Variants in DTNA observed in about 807,000 individuals in gnomAD.
The protein encoded by DTNA is dystrobrevin alpha, also known as dystrophin-related protein 3.
A neutral mutation model predicts 100.7 loss-of-function variants in DTNA; 43 were observed. That is an observed-to-expected ratio of 0.43 (90% CI 0.33 to 0.55). DTNA has a LOEUF of 0.55. Among genes scored for constraint, DTNA ranks in the 20% least tolerant of loss-of-function variants. The probability of loss-of-function intolerance (pLI) is 0.04; values close to 1 mark genes in which losing one functional copy is unlikely to be tolerated. For synonymous variants in DTNA, 349 were observed against 347.9 expected, an observed-to-expected ratio of 1.00 and a Z score of -0.04; for missense variants, 798 against 953.9, an observed-to-expected ratio of 0.84 and a Z score of 2.15.
At chr18:34,829,797 C>T (rs1030739290) in intron 11 of DTNA, among the ~76,000 whole-genome samples, 7 of 152,132 alleles carry the variant, frequency 4.6e-5, no homozygotes, top group African/African-American at 1.4e-4. Flanking sequence ...TTGCAAAAAA[C>T]CCAGATGGTA....
At chr18:34,860,266 A>G (rs1294531218) in intron 16 of DTNA, among the ~76,000 whole-genome samples, 1 of 101,054 alleles carries the variant, frequency 9.9e-6, no homozygotes, top group Non-Finnish European at 1.8e-5. Context: ...ACGGGGTTTC[A>G]CCATCTTGGC....
intron 1 of DTNA, among the ~76,000 whole-genome samples, chr18:34,702,927 T>C (rs2081580184): frequency 6.6e-6 from 1 of 152,230 alleles, no homozygotes. Flanking sequence ...AAATGGTAAC[T>C]ATAAAGATGT....
At chr18:34,714,121 TA>T (rs1489504107) in intron 1 of DTNA, among the ~76,000 whole-genome samples, 1 of 152,036 alleles carries the variant, frequency 6.6e-6, no homozygotes, top group Non-Finnish European at 1.5e-5. Context: ...CCTAACACCA[TA>T]AAAACCCTAG....
intron 3 of DTNA, 131 bp from the exon 4 acceptor site, chr18:34,793,906 T>A (rs1303539524): frequency 1.1e-6 from 1 of 884,514 alleles, no homozygotes; most frequent in African/African-American, 1.7e-5. Flanking sequence ...GTTCATTTAC[T>A]TATGTTGACC....
In DTNA at chr18:34,866,129, G is replaced by A. The variant is rs748660760; in HGVS notation, c.1743+2067G>A. On this transcript the variant is annotated intron_variant, in intron 17 of 22. Coordinates refer to ENST00000444659, the MANE Select transcript of DTNA (RefSeq NM_001386795.1). ...TCTGTAGGAAGAAGAACTGAAGCAG[G>A]GAGTAAGTTATGTCCCCTACTGCAG... 3 of 1,614,144 alleles carry A rather than the reference G, an allele frequency of 1.9e-6. No individual in the cohort carries two copies. The Admixed American group carries it at 5.0e-5, about 27-fold the overall frequency.
At chr18:34,515,545 A>G (rs935533387) in intron 1 of DTNA, among the ~76,000 whole-genome samples, 7 of 152,106 alleles carry the variant, frequency 4.6e-5, no homozygotes, top group African/African-American at 1.7e-4. Context: ...ATTCGATTGT[A>G]TTGTGGGGCA....
chr18:34,819,546 C>T (rs1269548179), intron 8 of DTNA, among the ~76,000 whole-genome samples: 1 of 152,168 alleles, frequency 6.6e-6, no homozygotes, highest in Non-Finnish European at 1.5e-5. Flanking sequence ...AACTTCTACC[C>T]CATATCCTAA....
chr18:34,832,248 T>G (rs1353487204), intron 11 of DTNA, among the ~76,000 whole-genome samples: 1 of 152,230 alleles, frequency 6.6e-6, no homozygotes, highest in Non-Finnish European at 1.5e-5. Context: ...CTCATTCTTT[T>G]CAAACTTTCT....
intron 13 of DTNA, among the ~76,000 whole-genome samples, chr18:34,841,659 A>T (rs2096270596): frequency 6.6e-6 from 1 of 152,152 alleles, no homozygotes; most frequent in Non-Finnish European, 1.5e-5. Context: ...TCACTGTTTA[A>T]AAAATATGAG....
intron 1 of DTNA, among the ~76,000 whole-genome samples, chr18:34,496,098 A>G (rs1200368495): frequency 6.6e-6 from 1 of 152,070 alleles, no homozygotes; most frequent in Non-Finnish European, 1.5e-5. Context: ...CTTACTCAAC[A>G]TTATAAGTAA....
intron 1 of DTNA, among the ~76,000 whole-genome samples, chr18:34,585,666 T>C (rs2049056852): frequency 6.6e-6 from 1 of 152,114 alleles, no homozygotes; most frequent in Admixed American, 6.6e-5. Context: ...TATAATATCC[T>C]ACATAGAATC....
rs2096937573 is a variant in DTNA at position 34,887,940 on chromosome 18, C to A, written c.*206C>A. 10 of 986,164 alleles carry A rather than the reference C, an allele frequency of 1.0e-5. No homozygotes were observed. Among genetic ancestry groups the A allele is most frequent in the Non-Finnish European group, 1.2e-5 (10 of 829,958 alleles). 61.1% of individuals were successfully genotyped at this position (986,164 alleles called of 1,614,324 possible). A position where few individuals can be genotyped will look rare whatever the true frequency, so the allele number is the denominator to read the frequency against. On this transcript the variant is annotated 3_prime_UTR_variant, in exon 23 of 23. Coordinates refer to ENST00000444659, the MANE Select transcript of DTNA (RefSeq NM_001386795.1). ...CACCCCTAAAGATGTGTCCTGATGA[C>A]TATAGTGCAGCTAACTTTTTGTTCT...
intron 1 of DTNA, among the ~76,000 whole-genome samples, chr18:34,714,866 A>G (rs1420174451): frequency 6.6e-6 from 1 of 152,204 alleles, no homozygotes; most frequent in African/African-American, 2.4e-5. Flanking sequence ...ACCATGGAAT[A>G]CTATGCAGCC....
chr18:34,881,973 A>G (rs1657982176), intron 20 of DTNA, 96 bp from the exon 21 acceptor site: 1 of 1,552,862 alleles, frequency 6.4e-7, no homozygotes. Context: ...CTAAGGGGAA[A>G]TAAAGGTGCC....
chr18:34,850,363 G>T (rs909498810), intron 14 of DTNA, among the ~76,000 whole-genome samples: 2 of 152,148 alleles, frequency 1.3e-5, no homozygotes, highest in Admixed American at 1.3e-4. Context: ...AGAAAATCTT[G>T]AATCACAAGT....
chr18:34,518,546 C>T (rs184453929), intron 1 of DTNA, among the ~76,000 whole-genome samples: 181 of 151,424 alleles, frequency 1.2e-3, no homozygotes, highest in African/African-American at 4.3e-3. Flanking sequence ...CTAAAAGTTT[C>T]ATTATTTTAC....
In DTNA at chr18:34,890,390, G is replaced by A. The variant is rs1308949097; in HGVS notation, c.*2656G>A. ...GTTATTTTGGGGTTTTGTGTTTTTT[G>A]GTGGGTTTCTTTCCTTGGCTCTCCA... On this transcript the variant is annotated 3_prime_UTR_variant, in exon 23 of 23. Coordinates refer to ENST00000444659, the MANE Select transcript of DTNA (RefSeq NM_001386795.1). 2 of 1,536,096 alleles carry A rather than the reference G, an allele frequency of 1.3e-6. No individual in the cohort carries two copies. The highest frequency in any genetic ancestry group is 2.0e-5 in the Admixed American group (1 of 50,996).
chr18:34,732,473 G>A (rs1298559383), intron 1 of DTNA, among the ~76,000 whole-genome samples: 1 of 152,156 alleles, frequency 6.6e-6, no homozygotes, highest in Non-Finnish European at 1.5e-5. Context: ...GAGAAGCCTG[G>A]GCTAAAGAAA....
rs2096416890 is a variant in DTNA at position 34,848,356 on chromosome 18, A to C, written c.1407A>C (p.Ala469=). ...ACAGGCTAATTGCCAGGTATGCGGC[A>C]AGGCTGGCAGCAGAGTCCTCTTCGT... ...EEHRLIARYA[A]RLAAESSSSQ... is the part of the protein sequence containing the mutation. Residue 469 remains alanine (A), a synonymous_variant, in exon 14 of 23, where the codon GCA becomes GCC. Coordinates refer to ENST00000444659, the MANE Select transcript of DTNA (RefSeq NM_001386795.1). 2 of 1,614,062 alleles carry C rather than the reference A, an allele frequency of 1.2e-6. No individual in the cohort carries two copies. Among genetic ancestry groups the C allele is most frequent in the Middle Eastern group, 1.6e-4 (1 of 6,062 alleles).
Sources: allele counts gnomAD v4.1 joint callset (sites outside exome capture counted in the v4.1 genomes callset), GRCh38; gene constraint gnomAD v4.1.1; transcripts MANE v1.5; gene names NCBI Gene and HGNC (gene_info 2026-07-23, HGNC 2026-07-21).